Variants in NELL1 observed in about 807,000 individuals in gnomAD.
NELL1 encodes neural EGFL like 1.
A neutral mutation model predicts 107.4 loss-of-function variants in NELL1; 76 were observed. The ratio of observed to expected loss-of-function variants is 0.71; its 90% confidence interval spans 0.59 to 0.86. The LOEUF is 0.86. NELL1 is among the 40% of genes least tolerant of loss of function. The probability of loss-of-function intolerance (pLI) is 0.00; values close to 1 mark genes in which losing one functional copy is unlikely to be tolerated. For synonymous variants in NELL1, 353 were observed against 341.2 expected, an observed-to-expected ratio of 1.03 and a Z score of -0.38; for missense variants, 1,024 against 1,005.5, an observed-to-expected ratio of 1.02 and a Z score of -0.25.
intron 12 of NELL1, among the ~76,000 whole-genome samples, chr11:21,005,902 A>G (rs1286085864): frequency 6.6e-6 from 1 of 152,144 alleles, no homozygotes; most frequent in Non-Finnish European, 1.5e-5. Flanking sequence ...GCAATCACAT[A>G]GGCTTTGGAC....
intron 15 of NELL1, among the ~76,000 whole-genome samples, chr11:21,394,795 G>C (rs775365125): frequency 4.0e-5 from 6 of 151,450 alleles, no homozygotes; most frequent in Non-Finnish European, 8.9e-5. Flanking sequence ...ATCTTCAAGA[G>C]TTAACACTTA....
chr11:21,207,063 A>G (rs1857405200), intron 13 of NELL1, among the ~76,000 whole-genome samples: 1 of 152,188 alleles, frequency 6.6e-6, no homozygotes, highest in South Asian at 2.1e-4. Flanking sequence ...GGGTATTCCT[A>G]TTGGACTAGG....
intron 12 of NELL1, among the ~76,000 whole-genome samples, chr11:21,041,861 A>G (rs934975879): frequency 1.3e-5 from 2 of 152,264 alleles, no homozygotes; most frequent in African/African-American, 4.8e-5. Context: ...ACAATGATTT[A>G]ACATGACCAA....
intron 12 of NELL1, among the ~76,000 whole-genome samples, chr11:21,046,304 A>G (rs747714131): frequency 3.9e-5 from 6 of 152,180 alleles, no homozygotes; most frequent in Middle Eastern, 3.2e-3. Context: ...ATCAACATCA[A>G]GTTAACAGCA....
chr11:21,119,928 T>C (rs563239167), intron 13 of NELL1, among the ~76,000 whole-genome samples: 39 of 152,222 alleles, frequency 2.6e-4, no homozygotes, highest in African/African-American at 9.4e-4. Flanking sequence ...TATTTGTGAT[T>C]TACAACAAAA....
rs1158247979 is a variant in NELL1 at position 21,272,925 on chromosome 11, A to G, written c.1549+43471A>G. ...TGTACGTCACCATCATCAAAGACCA[A>G]AGGTAGATAAAACCACAAAGATGGG... On this transcript the variant is annotated intron_variant, in intron 14 of 19. Transcript: ENST00000357134. Among the ~76,000 whole-genome samples the G allele has an allele frequency of 1.1e-4, 17 of 152,306 alleles. No individual in the cohort carries two copies. In the East Asian group the frequency reaches 3.1e-3, roughly 28 times the overall value.
At chr11:20,845,599 A>G (rs1254333472) in intron 3 of NELL1, among the ~76,000 whole-genome samples, 2 of 152,202 alleles carry the variant, frequency 1.3e-5, no homozygotes, top group Non-Finnish European at 2.9e-5. Flanking sequence ...CAGGTGCTAA[A>G]TGGTCTTGGG....
At chr11:21,246,167 G>T (rs1408994093) in intron 14 of NELL1, among the ~76,000 whole-genome samples, 1 of 152,084 alleles carries the variant, frequency 6.6e-6, no homozygotes, top group African/African-American at 2.4e-5. Context: ...GAACTTTACA[G>T]CATGTATCTC....
At chr11:20,909,635 T>G (rs929166001) in intron 5 of NELL1, among the ~76,000 whole-genome samples, 8 of 152,120 alleles carry the variant, frequency 5.3e-5, no homozygotes. Context: ...TTAGTGACTC[T>G]CTATTGCATG....
chr11:21,388,254 A>G (rs1851791860), intron 15 of NELL1, among the ~76,000 whole-genome samples: 1 of 151,786 alleles, frequency 6.6e-6, no homozygotes, highest in Non-Finnish European at 1.5e-5. Context: ...GGGTCACAAT[A>G]TGCCTTTTTG....
At chr11:20,888,203 T>C (rs1849548309) in intron 5 of NELL1, among the ~76,000 whole-genome samples, 1 of 151,998 alleles carries the variant, frequency 6.6e-6, no homozygotes, top group Admixed American at 6.6e-5. Flanking sequence ...TGGAAAATAT[T>C]GTTAAAATAA....
At chr11:21,456,181 G>A (rs1853728841) in intron 15 of NELL1, among the ~76,000 whole-genome samples, 1 of 151,950 alleles carries the variant, frequency 6.6e-6, no homozygotes. Context: ...GCGATGCCTG[G>A]CCCTTTTACT....
chr11:21,048,994 A>G (rs1471809431), intron 12 of NELL1, among the ~76,000 whole-genome samples: 1 of 152,148 alleles, frequency 6.6e-6, no homozygotes, highest in Non-Finnish European at 1.5e-5. Flanking sequence ...AATGGAAGAA[A>G]CAGAGCAGGA....
At chr11:21,567,026 A>T (rs1230815178) in intron 17 of NELL1, among the ~76,000 whole-genome samples, 1 of 151,844 alleles carries the variant, frequency 6.6e-6, no homozygotes, top group Non-Finnish European at 1.5e-5. Flanking sequence ...ACATAGGAAG[A>T]AAACTGACAT....
chr11:21,439,082 A>G (rs530155407), intron 15 of NELL1, among the ~76,000 whole-genome samples: 1 of 150,752 alleles, frequency 6.6e-6, no homozygotes, highest in East Asian at 2.0e-4. Flanking sequence ...GAGGTGTGAC[A>G]TAAAAGGTGA....
chr11:21,511,406 C>T (rs1855431519), intron 15 of NELL1, among the ~76,000 whole-genome samples: 2 of 152,138 alleles, frequency 1.3e-5, no homozygotes, highest in South Asian at 4.1e-4. Flanking sequence ...CTAAGCCTGC[C>T]ATTCTCACCA....
At chr11:21,103,776 G>A (rs1389317094) in intron 12 of NELL1, among the ~76,000 whole-genome samples, 2 of 152,116 alleles carry the variant, frequency 1.3e-5, no homozygotes, top group Non-Finnish European at 2.9e-5. Flanking sequence ...TTTTATGAAG[G>A]CATCTTTCTT....
chr11:20,882,578 C>G (rs1272736427), intron 4 of NELL1, among the ~76,000 whole-genome samples: 2 of 152,156 alleles, frequency 1.3e-5, no homozygotes, highest in African/African-American at 2.4e-5. Context: ...ATTTTGAACC[C>G]TTTGAGAGTT....
intron 2 of NELL1, among the ~76,000 whole-genome samples, chr11:20,747,630 A>G (rs1856033796): frequency 1.3e-5 from 2 of 152,210 alleles, no homozygotes; most frequent in Admixed American, 1.3e-4. Flanking sequence ...CACTTCCTAA[A>G]GGCCCCACCT....
Sources: gnomAD v4.1 joint callset for allele counts (sites outside exome capture counted in the v4.1 genomes callset) on GRCh38, gnomAD v4.1.1 for gene constraint, MANE v1.5 for transcripts, NCBI Gene and HGNC (gene_info 2026-07-23, HGNC 2026-07-21) for gene names.